KHDRBS2: variants seen among roughly 807,000 people sequenced by gnomAD.
KHDRBS2 encodes the protein KH RNA binding domain containing, signal transduction associated 2.
A neutral mutation model predicts 44.3 loss-of-function variants in KHDRBS2; 26 were observed. The observed-to-expected ratio is 0.59, with a 90% CI of 0.43 to 0.81. KHDRBS2 has a LOEUF of 0.81. KHDRBS2 is among the 40% of genes least tolerant of loss of function. KHDRBS2 has a pLI of 0.00. For missense variants in KHDRBS2, 476 were observed against 433.1 expected (o/e 1.10, Z -0.88); for synonymous variants, 194 against 151.1 (o/e 1.28, Z -2.08).
chr6:62,033,881 C>A (rs1449888865), intron 3 of KHDRBS2, among the ~76,000 whole-genome samples: 1 of 150,676 alleles, frequency 6.6e-6, no homozygotes, highest in Non-Finnish European at 1.5e-5. Flanking sequence ...AATTGACAAA[C>A]CTTTAGCCAG....
chr6:61,582,311 C>G, the KHDRBS2 span, among the ~76,000 whole-genome samples: 1 of 151,370 alleles, frequency 6.6e-6, no homozygotes, highest in Non-Finnish European at 1.5e-5. Flanking sequence ...AGCAAAAAAG[C>G]CTAGCAGGCC....
the KHDRBS2 span, among the ~76,000 whole-genome samples, chr6:61,608,499 T>A: frequency 6.6e-6 from 1 of 152,094 alleles, no homozygotes; most frequent in Non-Finnish European, 1.5e-5. Flanking sequence ...GCAGGTTTGT[T>A]ACATAGGTAT....
chr6:61,963,346 GAACT>G (rs1221643783), intron 4 of KHDRBS2, among the ~76,000 whole-genome samples: 2 of 152,036 alleles, frequency 1.3e-5, no homozygotes, highest in African/African-American at 2.4e-5. Flanking sequence ...ACTGTTTTAA[GAACT>G]AACTCACTTT....
chr6:62,104,989 A>G (rs1189751441), intron 2 of KHDRBS2, among the ~76,000 whole-genome samples: 4 of 152,168 alleles, frequency 2.6e-5, no homozygotes, highest in Non-Finnish European at 5.9e-5. Context: ...ATTTAAAGGA[A>G]AATAAGAGAA....
intron 3 of KHDRBS2, among the ~76,000 whole-genome samples, chr6:62,044,052 T>A (rs1370682747): frequency 6.6e-6 from 1 of 152,098 alleles, no homozygotes; most frequent in African/African-American, 2.4e-5. Context: ...GAAGTAATAG[T>A]AGATATGGAA....
chr6:62,271,453 A>G (rs541674387), intron 1 of KHDRBS2, among the ~76,000 whole-genome samples: 72 of 152,328 alleles, frequency 4.7e-4, no homozygotes, highest in African/African-American at 1.6e-3. Flanking sequence ...TGTATGTATT[A>G]TACAATACTT....
chr6:61,682,829 G>A (rs1184285197), intron 8 of KHDRBS2, among the ~76,000 whole-genome samples: 1 of 151,768 alleles, frequency 6.6e-6, no homozygotes, highest in Non-Finnish European at 1.5e-5. Context: ...TGCTTGATTG[G>A]AACTAAATAA....
chr6:62,147,320 G>C (rs1047047528), intron 2 of KHDRBS2, among the ~76,000 whole-genome samples: 3 of 151,836 alleles, frequency 2.0e-5, no homozygotes, highest in Non-Finnish European at 4.4e-5. Context: ...AAGCAGAAGA[G>C]CTTCCTTAAA....
chr6:62,144,253 C>T (rs1369611287), intron 2 of KHDRBS2, among the ~76,000 whole-genome samples: 1 of 151,912 alleles, frequency 6.6e-6, no homozygotes, highest in African/African-American at 2.4e-5. Context: ...CATTTAGAAA[C>T]CCCAACTACT....
At chr6:62,164,818 T>G (rs944648464) in intron 2 of KHDRBS2, among the ~76,000 whole-genome samples, 1 of 151,914 alleles carries the variant, frequency 6.6e-6, no homozygotes, top group African/African-American at 2.4e-5. Flanking sequence ...ATTTTCCGCA[T>G]GCCCTAAAAT....
intron 8 of KHDRBS2, among the ~76,000 whole-genome samples, chr6:61,685,811 C>A (rs1766754622): frequency 6.6e-6 from 1 of 151,612 alleles, no homozygotes; most frequent in Non-Finnish European, 1.5e-5. Flanking sequence ...GGACCAGGTA[C>A]CTTGGGGAGC....
At chr6:61,699,414 C>T (rs1248157168) in intron 7 of KHDRBS2, among the ~76,000 whole-genome samples, 2 of 151,776 alleles carry the variant, frequency 1.3e-5, no homozygotes, top group East Asian at 1.9e-4. Flanking sequence ...AAGCATTGCC[C>T]CCCTATATAA....
the KHDRBS2 span, among the ~76,000 whole-genome samples, chr6:61,547,855 C>A: frequency 0.014 from 2,133 of 152,232 alleles, 55 homozygotes; most frequent in African/African-American, 0.049. Flanking sequence ...AGTCCAATTT[C>A]TCTGTCAAGC....
At chr6:61,826,384 G>T (rs2127257277) in intron 6 of KHDRBS2, among the ~76,000 whole-genome samples, 1 of 152,206 alleles carries the variant, frequency 6.6e-6, no homozygotes, top group South Asian at 2.1e-4. Context: ...TGCCACATCT[G>T]CTCTCTTCTG....
chr6:61,698,498 C>T (rs1263832905), intron 7 of KHDRBS2, among the ~76,000 whole-genome samples: 1 of 152,074 alleles, frequency 6.6e-6, no homozygotes, highest in East Asian at 1.9e-4. Flanking sequence ...AATGAGTATG[C>T]TATCCTTCTA....
intron 8 of KHDRBS2, among the ~76,000 whole-genome samples, chr6:61,689,433 T>G (rs1020659847): frequency 1.3e-5 from 2 of 151,928 alleles, no homozygotes; most frequent in African/African-American, 4.8e-5. Context: ...CTTGTGAGTG[T>G]TGTATGAAGT....
intron 3 of KHDRBS2, among the ~76,000 whole-genome samples, chr6:62,021,467 G>C (rs574351378): frequency 6.6e-6 from 1 of 151,808 alleles, no homozygotes; most frequent in Non-Finnish European, 1.5e-5. Flanking sequence ...GTTGGGTCTT[G>C]TGTGTGTTTT....
intron 1 of KHDRBS2, among the ~76,000 whole-genome samples, chr6:62,235,827 A>G (rs1833617960): frequency 6.6e-6 from 1 of 152,068 alleles, no homozygotes; most frequent in African/African-American, 2.4e-5. Context: ...AAACATAAAG[A>G]CCATGTTAAT....
chr6:61,936,088 C>T lies in KHDRBS2; in HGVS notation c.484-34717G>A, dbSNP rs9345769. Among the ~76,000 whole-genome samples, 43 of 152,114 alleles carry T rather than the reference C, an allele frequency of 2.8e-4. No individual in the cohort carries two copies. In the East Asian group the frequency reaches 7.9e-3, roughly 28 times the overall value. On this transcript the variant is annotated intron_variant, in intron 4 of 8. Transcript: ENST00000281156. ...AACCATGTATACTCTGAAATCTTTT[C>T]GCAATGTGCCCTTTCAGTTTTTAGT...
Sources: allele counts gnomAD v4.1 joint callset (sites outside exome capture counted in the v4.1 genomes callset), GRCh38; gene constraint gnomAD v4.1.1; transcripts MANE v1.5; gene names NCBI Gene and HGNC (gene_info 2026-07-23, HGNC 2026-07-21).